ARHGEF3: variants seen among roughly 807,000 people sequenced by gnomAD.
ARHGEF3 encodes the protein 59.8 kDA protein.
In ARHGEF3, 28 loss-of-function variants were observed where a neutral mutation model predicts 63.2. The observed-to-expected ratio is 0.44, with a 90% CI of 0.33 to 0.61. The LOEUF is 0.61. Among genes scored for constraint, ARHGEF3 ranks in the 20% least tolerant of loss-of-function variants. The probability of loss-of-function intolerance (pLI) is 0.03; values close to 1 mark genes in which losing one functional copy is unlikely to be tolerated. For synonymous variants in ARHGEF3, 266 were observed against 254.2 expected (o/e 1.05, Z -0.44); for missense variants, 533 against 659.3 (o/e 0.81, Z 2.10).
At chr3:56,790,634 G>A (rs1250743526) in intron 1 of ARHGEF3, among the ~76,000 whole-genome samples, 1 of 152,172 alleles carries the variant, frequency 6.6e-6, no homozygotes, top group Non-Finnish European at 1.5e-5. Context: ...CTCTGTATTT[G>A]CCTGGGGTCG....
chr3:56,861,226 C>G (rs2040062271), intron 4 of ARHGEF3, among the ~76,000 whole-genome samples: 1 of 152,120 alleles, frequency 6.6e-6, no homozygotes, highest in Non-Finnish European at 1.5e-5. Flanking sequence ...GTGGTATCTT[C>G]CCTTTTGGTG....
intron 2 of ARHGEF3, among the ~76,000 whole-genome samples, chr3:56,997,718 A>G (rs563219189): frequency 6.6e-6 from 1 of 152,212 alleles, no homozygotes; most frequent in South Asian, 2.1e-4. Context: ...CCAGTAGGAG[A>G]TGACGAAGGG....
intron 3 of ARHGEF3, among the ~76,000 whole-genome samples, chr3:56,901,585 ATTTT>A (rs35046019): frequency 7.1e-6 from 1 of 141,416 alleles, no homozygotes; most frequent in African/African-American, 2.6e-5. Context: ...TCTGGTTGTA[ATTTT>A]TTTTTTTTTT....
chr3:56,874,149 C>T (rs1036722092), intron 4 of ARHGEF3, among the ~76,000 whole-genome samples: 2 of 152,138 alleles, frequency 1.3e-5, no homozygotes, highest in Non-Finnish European at 2.9e-5. Flanking sequence ...GAGGCGGCAG[C>T]GTCAGAACAA....
upstream of ARHGEF3, among the ~76,000 whole-genome samples, chr3:56,802,932 G>A (rs1426320273): frequency 6.6e-6 from 1 of 152,168 alleles, no homozygotes; most frequent in Non-Finnish European, 1.5e-5. Context: ...AAGGAGATGG[G>A]TCTATGGGTG....
rs78266085 is a variant in ARHGEF3 at position 56,849,730 on chromosome 3, C to G, written c.192+32562G>C. ...AACACAGTTTTCTATTTCTAGATAT[C>G]AATCTTAAAGTAGCACAAAGAGTGG... On this transcript the variant is annotated intron_variant, in intron 4 of 12. Transcript: ENST00000338458. Among the ~76,000 whole-genome samples the G allele has an allele frequency of 4.9e-3, 743 of 152,020 alleles. 8 individuals carry two copies. Among genetic ancestry groups the G allele is most frequent in the African/African-American group, 0.016 (662 of 41,472 alleles).
At chr3:57,045,656 A>G (rs1248610500) in intron 1 of ARHGEF3, among the ~76,000 whole-genome samples, 1 of 152,232 alleles carries the variant, frequency 6.6e-6, no homozygotes, top group Non-Finnish European at 1.5e-5. Context: ...GAGGAAACCT[A>G]GGCACAGAAA....
At chr3:56,825,668 T>G (rs2038688274) in intron 4 of ARHGEF3, among the ~76,000 whole-genome samples, 1 of 152,206 alleles carries the variant, frequency 6.6e-6, no homozygotes, top group Admixed American at 6.5e-5. Flanking sequence ...TTTATAGGCT[T>G]AACAGAGTCC....
Position 56,773,763 on chromosome 3 carries a change from G to T in ARHGEF3, c.150C>A (p.Asn50Lys). 1 of 1,602,008 alleles carries T rather than the reference G, an allele frequency of 6.2e-7. No homozygotes were observed. Among genetic ancestry groups the T allele is most frequent in the Non-Finnish European group, 8.5e-7 (1 of 1,175,514 alleles). ...KPLSRVTSLA[N>K]LIPPVKATPL... ...GCGTGGCCTTCACGGGCGGGATGAGGTTTGCTAGCGACGTGACTCGGGAAA... is the reference window on the plus strand; with the variant it reads ...GCGTGGCCTTCACGGGCGGGATGAGTTTTGCTAGCGACGTGACTCGGGAAA... The change falls in exon 2 of 10, where the codon AAC becomes AAA. Residue 50 changes from asparagine to lysine, a missense_variant. Around this residue, in one of 4 missense-constraint regions of ARHGEF3, gnomAD observed 160 missense variants for 157.3 expected, o/e 1.02. Transcript: ENST00000296315.
chr3:56,922,714 A>G (rs1560053348), intron 3 of ARHGEF3, among the ~76,000 whole-genome samples: 1 of 152,192 alleles, frequency 6.6e-6, no homozygotes, highest in South Asian at 2.1e-4. Context: ...AATAGTTAAC[A>G]ATAAATTAAT....
At position 56,790,419 on chromosome 3, in the gene ARHGEF3, AG is replaced by A. The variant is rs542153622; in HGVS notation, c.96+11283del. ...AACCATCAGTTTTCCCTCTTCTAAC[AG>A]CTTATTTCCTTCTTTACAGTGGTTT... On this transcript the variant is annotated intron_variant, in intron 1 of 9. Coordinates refer to ENST00000296315, the MANE Select transcript of ARHGEF3 (RefSeq NM_019555.3). Among the ~76,000 whole-genome samples the A allele has an allele frequency of 2.1e-4, 32 of 152,246 alleles. No individual in the cohort carries two copies. In the South Asian group the frequency reaches 5.4e-3, roughly 26 times the overall value.
At chr3:56,985,990 G>T (rs985365140) in intron 2 of ARHGEF3, among the ~76,000 whole-genome samples, 39 of 152,320 alleles carry the variant, frequency 2.6e-4, no homozygotes, top group African/African-American at 8.7e-4. Context: ...CTCTCAAAGA[G>T]CCAGGCCTCA....
intron 4 of ARHGEF3, among the ~76,000 whole-genome samples, chr3:56,842,445 G>A (rs1444899857): frequency 6.6e-6 from 1 of 152,126 alleles, no homozygotes; most frequent in Non-Finnish European, 1.5e-5. Context: ...GACTCACCAA[G>A]GAATGGAATC....
At chr3:57,035,446 G>A (rs757700020) in intron 1 of ARHGEF3, among the ~76,000 whole-genome samples, 2 of 151,996 alleles carry the variant, frequency 1.3e-5, no homozygotes, top group Admixed American at 1.3e-4. Flanking sequence ...GCCTCCCAGG[G>A]TCACACCACT....
At chr3:56,830,754 C>T (rs997239200) in intron 4 of ARHGEF3, among the ~76,000 whole-genome samples, 2 of 152,156 alleles carry the variant, frequency 1.3e-5, no homozygotes, top group Non-Finnish European at 1.5e-5. Context: ...GACCATGGCA[C>T]CTTGTTGCCA....
chr3:56,965,911 G>A (rs1700475898), intron 2 of ARHGEF3, among the ~76,000 whole-genome samples: 1 of 151,936 alleles, frequency 6.6e-6, no homozygotes, highest in African/African-American at 2.4e-5. Context: ...GCCTCCCAAA[G>A]TGCTGGGATT....
At chr3:57,052,267 C>A (rs762355897) in intron 1 of ARHGEF3, among the ~76,000 whole-genome samples, 16 of 152,206 alleles carry the variant, frequency 1.1e-4, no homozygotes, top group Non-Finnish European at 1.8e-4. Flanking sequence ...AATGTCACAC[C>A]TGAGAACTCA....
Position 56,880,630 on chromosome 3 carries a change from AG to A in ARHGEF3, c.192+1661del, listed in dbSNP as rs1417667875. 2.6e-5 allele frequency among the ~76,000 whole-genome samples: 4 copies of A among 152,160 alleles called. No homozygotes were observed. The East Asian group carries it at 7.7e-4, about 29-fold the overall frequency. On this transcript the variant is annotated intron_variant, in intron 4 of 12. Coordinates refer to the ARHGEF3 transcript ENST00000338458. ...AGGGCTTCCACTTCTTTATTTGCAAAGTGAGGGGACTGGAATACATACATGG... is the reference window on the plus strand; with the variant it reads ...AGGGCTTCCACTTCTTTATTTGCAAATGAGGGGACTGGAATACATACATGG...
In ARHGEF3 at chr3:56,753,585, A is replaced by G. The variant is rs1422428451; in HGVS notation, c.376-19T>C. 1.6e-5 allele frequency: 25 copies of G among 1,608,946 alleles called. No individual in the cohort carries two copies. Among genetic ancestry groups the G allele is most frequent in the Middle Eastern group, 1.8e-4 (1 of 5,522 alleles). Reference sequence around the variant, plus strand: ...AGATCGCCTGCAAGGAAAGATAAACATATTCACTGAATTCTCCCTTCATTT... The same window carrying G: ...AGATCGCCTGCAAGGAAAGATAAACGTATTCACTGAATTCTCCCTTCATTT... On this transcript the variant is annotated intron_variant, in intron 3 of 9. Coordinates refer to ENST00000296315, the MANE Select transcript of ARHGEF3 (RefSeq NM_019555.3).
Sources: allele counts gnomAD v4.1 joint callset (sites outside exome capture counted in the v4.1 genomes callset), GRCh38; gene constraint gnomAD v4.1.1; regional missense constraint gnomAD v4.1.1; transcripts MANE v1.5; gene names NCBI Gene and HGNC (gene_info 2026-07-23, HGNC 2026-07-21).